ATL3: variants seen among roughly 807,000 people sequenced by gnomAD.
ATL3 encodes atlastin-3.
Under a neutral mutation model 69.5 loss-of-function variants are expected in ATL3, and 49 were observed. That is an observed-to-expected ratio of 0.71 (90% confidence interval 0.56 to 0.89). The LOEUF is 0.89. Among genes scored for constraint, ATL3 ranks in the 40% least tolerant of loss-of-function variants. ATL3 has a pLI of 0.00. For synonymous variants in ATL3, 214 were observed against 224.1 expected (o/e 0.95, Z 0.40); for missense variants, 606 against 645.7 (o/e 0.94, Z 0.67).
At chr11:63,644,382 CTTT>C (rs5792299) in intron 6 of ATL3, 121 bp from the exon 7 acceptor site, 1,159 of 343,098 alleles carry the variant, frequency 3.4e-3, no homozygotes, top group East Asian at 5.6e-3. Flanking sequence ...AAGGATTTAC[CTTT>C]TTTTTTTTTT....
intron 4 of ATL3, among the ~76,000 whole-genome samples, chr11:63,652,217 G>A (rs1442510816): frequency 2.0e-5 from 3 of 152,060 alleles, no homozygotes; most frequent in Non-Finnish European, 4.4e-5. Context: ...TATCAAATCT[G>A]TATTTTCTAT....
Position 63,627,974 on chromosome 11 carries a change from A to G in ATL3, c.*1345T>C, listed in dbSNP as rs1939173423. ...ATTAACATTCTGAATAAAGACCTTA[A>G]ATCAGGTTATTAATTGCTGCTAAGC... On this transcript the variant is annotated 3_prime_UTR_variant, in exon 13 of 13. Coordinates refer to ENST00000398868, the MANE Select transcript of ATL3 (RefSeq NM_015459.5). The G allele has an allele frequency of 6.6e-6, 1 of 152,236 alleles. No homozygotes were observed. The highest frequency in any genetic ancestry group is 1.9e-4 in the East Asian group (1 of 5,206). 9.4% of individuals were successfully genotyped at this position (152,236 alleles called of 1,614,324 possible).
chr11:63,630,847 A>G (rs532631049), intron 12 of ATL3, among the ~76,000 whole-genome samples, 193 bp downstream of exon 12: 12 of 152,098 alleles, frequency 7.9e-5, no homozygotes, highest in Non-Finnish European at 1.2e-4. Context: ...AGACATGGAA[A>G]CAAAATATTA....
At chr11:63,636,820 G>A (rs1939534121) in intron 8 of ATL3, among the ~76,000 whole-genome samples, 1 of 151,766 alleles carries the variant, frequency 6.6e-6, no homozygotes, top group Admixed American at 6.6e-5. Flanking sequence ...CCAAGTTGCT[G>A]ACAGATCTCT....
At position 63,631,427 on chromosome 11, in the gene ATL3, C is replaced by T. The variant is rs1354726930; in HGVS notation, c.1152G>A (p.Glu384=). 8.7e-6 allele frequency: 14 copies of T among 1,613,494 alleles called. No individual in the cohort carries two copies. Among genetic ancestry groups the T allele is most frequent in the Non-Finnish European group, 1.2e-5 (14 of 1,179,780 alleles). ...GTTGTTTGAATTCACAGTGCTTCTC[C>T]TCTAGAATGTCTGGAGACAAATAAG... is the stretch of plus-strand genomic sequence containing the variant. ...EKPYLSPDIL[E]EKHCEFKQLA... is the part of the protein sequence containing the mutation. The change falls in exon 12 of 13, where the codon GAG becomes GAA. Residue 384 remains glutamate (E), a synonymous_variant. Transcript: ENST00000398868.
In ATL3 at chr11:63,635,813, T is replaced by C. The variant is rs117830205; in HGVS notation, c.979-223A>G. 1.0e-4 allele frequency among the ~76,000 whole-genome samples: 15 copies of C among 149,714 alleles called. No homozygotes were observed. In the East Asian group the frequency reaches 2.9e-3, roughly 29 times the overall value. On this transcript the variant is annotated intron_variant, in intron 9 of 12. Transcript: ENST00000398868. ...AAGCCTACAGAGGCTAGGATTCCCA[T>C]CCAGCTCCCCATGCACGCTGGCCTC... is the stretch of plus-strand genomic sequence containing the variant.
At position 63,631,154 on chromosome 11, in the gene ATL3, A is replaced by G; in HGVS notation, c.1425T>C (p.Cys475=). 6.2e-7 allele frequency: 1 copy of G among 1,614,168 alleles called. No homozygotes were observed. The highest frequency in any genetic ancestry group is 1.3e-5 in the African/African-American group (1 of 75,026). Residue 475 remains cysteine (C), a synonymous_variant, in exon 12 of 13, where the codon TGT becomes TGC. Coordinates refer to ENST00000398868, the MANE Select transcript of ATL3 (RefSeq NM_015459.5). ...GLEVVAQLFN[C]MVGLLLIALL... is the part of the protein sequence containing the mutation. ...GTGCTATTAACAGTAGTCCAACCAT[A>G]CAGTTGAACAACTGGGCTACAACCT...
intron 3 of ATL3, 45 bp downstream of exon 3, chr11:63,658,716 T>TTTG (rs762091846): frequency 1.2e-5 from 18 of 1,552,152 alleles, no homozygotes; most frequent in South Asian, 3.7e-5. Flanking sequence ...AAGTTCATAT[T>TTTG]TTGTTGTTGT....
chr11:63,658,332 T>C (rs1287607005), intron 3 of ATL3, among the ~76,000 whole-genome samples: 1 of 152,160 alleles, frequency 6.6e-6, no homozygotes. Flanking sequence ...CCTGAATTAT[T>C]CAAGGAAACA....
chr11:63,652,400 A>G (rs1940104826), intron 4 of ATL3, 71 bp downstream of exon 4: 1 of 981,642 alleles, frequency 1.0e-6, no homozygotes, highest in African/African-American at 1.6e-5. Context: ...ACAGAACAAT[A>G]ACCAAAACTG....
At position 63,643,433 on chromosome 11, in the gene ATL3, G is replaced by A. The variant is rs61745653; in HGVS notation, c.774C>T (p.Ser258=). The change falls in exon 8 of 13, where the codon TCC becomes TCT. Residue 258 remains serine (S), a synonymous_variant. Transcript: ENST00000398868. ...GTGGTAAGAGAAAGCAGGTGACATC[G>A]GAGAAACATGAGTGAATGTGATTTC... ...NVRNHIHSCF[S]DVTCFLLPHP... The A allele has an allele frequency of 4.0e-5, 64 of 1,612,406 alleles. No homozygotes were observed. Among genetic ancestry groups the A allele is most frequent in the Middle Eastern group, 3.3e-4 (2 of 6,080 alleles).
chr11:63,643,586 C>A, intron 7 of ATL3, 91 bp from the exon 8 acceptor site: 1 of 1,214,078 alleles, frequency 8.2e-7, no homozygotes, highest in Non-Finnish European at 1.1e-6. Context: ...AAAGAAGACT[C>A]CTCAACTCTG....
At chr11:63,649,134 A>T (rs182015301) in intron 5 of ATL3, among the ~76,000 whole-genome samples, 159 of 152,292 alleles carry the variant, frequency 1.0e-3, no homozygotes, top group Middle Eastern at 3.4e-3. Flanking sequence ...CAAAAAAAAT[A>T]AAAAAAGTAC....
intron 5 of ATL3, among the ~76,000 whole-genome samples, chr11:63,651,329 C>T (rs1940071581): frequency 1.3e-5 from 2 of 151,978 alleles, no homozygotes; most frequent in Non-Finnish European, 2.9e-5. Context: ...GTGGCGCACA[C>T]CTGTAATCCC....
In ATL3 at chr11:63,636,300, T is replaced by G. The variant is rs1369878351; in HGVS notation, c.885A>C (p.Ala295=). Residue 295 remains alanine, a synonymous_variant, in exon 9 of 13, where the codon GCA becomes GCC. Coordinates refer to ENST00000398868, the MANE Select transcript of ATL3 (RefSeq NM_015459.5). Reference sequence around the variant, plus strand: ...ATGGGTTTAATACATACGGTATCAGTGCCTGTAACTGCTCTTTGAATTCAC... The same window carrying G: ...ATGGGTTTAATACATACGGTATCAGGGCCTGTAACTGCTCTTTGAATTCAC... ...IAGEFKEQLQ[A]LIPYVLNPSK... 1 of 1,614,194 alleles carries G rather than the reference T, an allele frequency of 6.2e-7. No homozygotes were observed. Among genetic ancestry groups the G allele is most frequent in the Admixed American group, 1.7e-5 (1 of 60,018 alleles).
chr11:63,636,608 A>G (rs1397978627), intron 8 of ATL3, among the ~76,000 whole-genome samples: 1 of 151,974 alleles, frequency 6.6e-6, no homozygotes, highest in African/African-American at 2.4e-5. Context: ...GCGTGGTGGC[A>G]GGTGCCTGTA....
intron 1 of ATL3, among the ~76,000 whole-genome samples, chr11:63,667,465 G>T (rs1008576148): frequency 3.3e-5 from 5 of 152,042 alleles, no homozygotes; most frequent in Admixed American, 6.6e-5. Flanking sequence ...AAGAGTTTAG[G>T]ATTCCTGAGA....
At chr11:63,644,134 G>T in intron 7 of ATL3, 35 bp downstream of exon 7, 1 of 1,378,960 alleles carries the variant, frequency 7.3e-7, no homozygotes, top group Non-Finnish European at 1.0e-6. Context: ...TCACTACTTT[G>T]AGATAATTCA....
At chr11:63,657,361 A>C (rs1480117590) in intron 3 of ATL3, among the ~76,000 whole-genome samples, 1 of 152,226 alleles carries the variant, frequency 6.6e-6, no homozygotes, top group Non-Finnish European at 1.5e-5. Flanking sequence ...CTCTATGCCC[A>C]TAGCTTACAA....
Sources: gnomAD v4.1 joint callset for allele counts (sites outside exome capture counted in the v4.1 genomes callset) on GRCh38, gnomAD v4.1.1 for gene constraint, MANE v1.5 for transcripts, NCBI Gene and HGNC (gene_info 2026-07-23, HGNC 2026-07-21) for gene names.